ANKH: variants seen among roughly 807,000 people sequenced by gnomAD.
The protein encoded by ANKH is mineralization regulator ANKH.
In ANKH, 15 loss-of-function variants were observed where a neutral mutation model predicts 49.0. The ratio of observed to expected loss-of-function variants is 0.31; its 90% CI spans 0.20 to 0.47. The LOEUF (loss-of-function observed/expected upper bound fraction) is 0.47. Ranked by LOEUF, ANKH falls within the 20% of genes least tolerant of loss-of-function variation. ANKH has a pLI of 1.00. For missense variants in ANKH, 429 were observed against 652.0 expected (o/e 0.66, Z 3.72); for synonymous variants, 273 against 260.0 (o/e 1.05, Z -0.48).
Position 14,758,339 on chromosome 5 carries a change from A to ATTGG in ANKH, c.432+137_432+140dup, listed in dbSNP as rs1057267758. On this transcript the variant is annotated intron_variant, in intron 3 of 11. Transcript: ENST00000284268. ...TTTTGCAAGATGAAGAGTTCTGAAGATTGGTTACACAATAATGTGAATGTA... is the reference window on the plus strand; with the variant it reads ...TTTTGCAAGATGAAGAGTTCTGAAGATTGGTTGGTTACACAATAATGTGAATGTA... 5.5e-6 allele frequency: 4 copies of ATTGG among 721,394 alleles called. No homozygotes were observed. In the African/African-American group the frequency reaches 7.1e-5, roughly 13 times the overall value. 44.7% of individuals were successfully genotyped at this position (721,394 alleles called of 1,614,324 possible).
At chr5:14,778,210 C>T (rs1336504487) in intron 1 of ANKH, among the ~76,000 whole-genome samples, 1 of 152,224 alleles carries the variant, frequency 6.6e-6, no homozygotes, top group Non-Finnish European at 1.5e-5. Context: ...TCTTGCTGTC[C>T]ACACCATTCC....
Position 14,716,826 on chromosome 5 carries a change from C to T in ANKH, c.1021G>A (p.Val341Met), listed in dbSNP as rs199664007. Reference protein sequence around the residue: ...CMALSLTLCFVMFWTPNVSEK... With the variant: ...CMALSLTLCFMMFWTPNVSEK... ...GACACGTTGGGTGTCCAAAACATCA[C>T]GAAACAGAGCTGGGGAGAAAGACAT... Residue 341 changes from valine (V) to methionine (M), a missense_variant, in exon 9 of 12, where the codon GTG becomes ATG. Physicochemically the swap from Val to Met is conservative, Grantham distance 21. Transcript: ENST00000284268. 5.7e-4 allele frequency: 917 copies of T among 1,613,748 alleles called. No individual in the cohort carries two copies. Among genetic ancestry groups the T allele is most frequent in the Non-Finnish European group, 7.3e-4 (867 of 1,179,828 alleles).
At chr5:14,798,911 G>A (rs1406301390) in intron 1 of ANKH, among the ~76,000 whole-genome samples, 1 of 152,172 alleles carries the variant, frequency 6.6e-6, no homozygotes, top group Non-Finnish European at 1.5e-5. Flanking sequence ...CTCTCTCTTG[G>A]TAAATCAACA....
intron 1 of ANKH, chr5:14,797,684 A>G: frequency 1.3e-6 from 2 of 1,598,676 alleles, no homozygotes; most frequent in South Asian, 2.2e-5. Flanking sequence ...ACAGAGACTC[A>G]CAGAGTAGAT....
intron 1 of ANKH, among the ~76,000 whole-genome samples, chr5:14,826,523 C>T (rs571282935): frequency 3.9e-5 from 6 of 152,268 alleles, no homozygotes; most frequent in African/African-American, 1.4e-4. Context: ...CTGGTACCTA[C>T]TTCATAAAGG....
intron 1 of ANKH, among the ~76,000 whole-genome samples, chr5:14,796,487 A>C (rs1239769101): frequency 6.6e-6 from 1 of 151,628 alleles, no homozygotes; most frequent in Non-Finnish European, 1.5e-5. Flanking sequence ...AAAAAAAAAA[A>C]AAACACCATT....
chr5:14,755,774 A>C, intron 4 of ANKH, 87 bp downstream of exon 4: 2 of 1,250,508 alleles, frequency 1.6e-6, no homozygotes, highest in Non-Finnish European at 2.3e-6. Flanking sequence ...AGTGTACTGC[A>C]CAGTGAATGA....
At chr5:14,809,310 A>G (rs1397456620) in intron 1 of ANKH, among the ~76,000 whole-genome samples, 6 of 125,430 alleles carry the variant, frequency 4.8e-5, no homozygotes, top group African/African-American at 1.2e-4. Context: ...CAATGTGCAC[A>G]TGTACCCTAA....
chr5:14,783,441 A>C (rs1739875549), intron 1 of ANKH, among the ~76,000 whole-genome samples: 1 of 152,192 alleles, frequency 6.6e-6, no homozygotes, highest in African/African-American at 2.4e-5. Context: ...GAATGTCATT[A>C]CCTTGCCATC....
chr5:14,711,539 C>G (rs752177822), intron 11 of ANKH, among the ~76,000 whole-genome samples: 1 of 152,192 alleles, frequency 6.6e-6, no homozygotes, highest in Non-Finnish European at 1.5e-5. Context: ...GCAGGCACTT[C>G]GGAGGACACC....
At chr5:14,757,219 C>A (rs1580043722) in intron 3 of ANKH, among the ~76,000 whole-genome samples, 1 of 152,110 alleles carries the variant, frequency 6.6e-6, no homozygotes, top group East Asian at 1.9e-4. Context: ...ACTGGGCTAC[C>A]ACCATGGGCT....
chr5:14,711,954 G>A (rs532832042), intron 11 of ANKH, among the ~76,000 whole-genome samples: 6 of 152,296 alleles, frequency 3.9e-5, no homozygotes, highest in East Asian at 3.9e-4. Context: ...TGCCAACCCC[G>A]CTGGTCCCCC....
intron 8 of ANKH, among the ~76,000 whole-genome samples, chr5:14,730,703 C>T (rs775481510): frequency 1.6e-4 from 25 of 152,218 alleles, no homozygotes; most frequent in Non-Finnish European, 3.1e-4. Flanking sequence ...ATGTGCCCAG[C>T]GTACTTGCCA....
intron 1 of ANKH, among the ~76,000 whole-genome samples, chr5:14,836,420 C>T (rs1301445674): frequency 2.0e-5 from 3 of 152,104 alleles, no homozygotes; most frequent in Middle Eastern, 3.2e-3. Context: ...TTCAGCAAAG[C>T]CTCAGGATAC....
In ANKH at chr5:14,725,945, C is replaced by T. The variant is rs2126436777; in HGVS notation, c.1012-9110G>A. Reference sequence around the variant, plus strand: ...ATTTTTAGTAGAGATGGGGTTTCACCATGCAGAAAAACATTTTTAAATAAA... The same window carrying T: ...ATTTTTAGTAGAGATGGGGTTTCACTATGCAGAAAAACATTTTTAAATAAA... On this transcript the variant is annotated intron_variant, in intron 8 of 11. Coordinates refer to ENST00000284268, the MANE Select transcript of ANKH (RefSeq NM_054027.6). The surrounding 1 kb of genome is among the most constrained non-coding windows in gnomAD (Gnocchi z 4.0). 6.6e-6 allele frequency among the ~76,000 whole-genome samples: 1 copy of T among 152,246 alleles called. No homozygotes were observed. The highest frequency in any genetic ancestry group is 2.1e-4 in the South Asian group (1 of 4,822).
intron 1 of ANKH, among the ~76,000 whole-genome samples, chr5:14,814,922 T>C (rs1473498523): frequency 6.6e-6 from 1 of 152,222 alleles, no homozygotes; most frequent in East Asian, 1.9e-4. Flanking sequence ...GCCAATATTT[T>C]ACTAAACAAG....
intron 1 of ANKH, among the ~76,000 whole-genome samples, chr5:14,773,023 G>A (rs1444260343): frequency 1.3e-5 from 2 of 152,236 alleles, no homozygotes; most frequent in Non-Finnish European, 2.9e-5. Context: ...GGATCAGGGT[G>A]AAGCCAGTCT....
intron 9 of ANKH, among the ~76,000 whole-genome samples, chr5:14,714,215 T>C (rs1373964947): frequency 6.6e-6 from 1 of 152,184 alleles, no homozygotes; most frequent in Non-Finnish European, 1.5e-5. Flanking sequence ...CTTCCCTTTC[T>C]CCCTCCTAAT....
At chr5:14,748,368 G>C (rs1373687630) in intron 6 of ANKH, among the ~76,000 whole-genome samples, 1 of 152,244 alleles carries the variant, frequency 6.6e-6, no homozygotes, top group African/African-American at 2.4e-5. Flanking sequence ...CATGCTGACA[G>C]CGCAGTAAGG....
Sources: gnomAD v4.1 joint callset for allele counts (sites outside exome capture counted in the v4.1 genomes callset) on GRCh38, gnomAD v4.1.1 for gene constraint, Gnocchi (gnomAD v3.1) non-coding constraint, MANE v1.5 for transcripts, NCBI Gene and HGNC (gene_info 2026-07-23, HGNC 2026-07-21) for gene names.